The following GRIK2 variants were observed in gnomAD, a reference collection of about 807,000 sequenced individuals.
GRIK2 encodes glutamate ionotropic receptor kainate type subunit 2.
Under a neutral mutation model 100.3 loss-of-function variants are expected in GRIK2, and 32 were observed. That is an observed-to-expected ratio of 0.32 (90% CI 0.24 to 0.43). The LOEUF is 0.43. GRIK2 is among the 20% of genes least tolerant of loss of function. The pLI, the probability that GRIK2 is intolerant of heterozygous loss-of-function variation, is 1.00. For synonymous variants in GRIK2, 417 were observed against 389.4 expected (o/e 1.07, Z -0.83); for missense variants, 843 against 1,114.9 (o/e 0.76, Z 3.47).
At chr6:101,853,498 A>G (rs1240303614) in intron 10 of GRIK2, among the ~76,000 whole-genome samples, 1 of 152,190 alleles carries the variant, frequency 6.6e-6, no homozygotes, top group Non-Finnish European at 1.5e-5. Context: ...GGAATAGAAA[A>G]CAGGGCTGCC....
chr6:101,412,194 C>T (rs1343964074), intron 2 of GRIK2, among the ~76,000 whole-genome samples: 1 of 151,972 alleles, frequency 6.6e-6, no homozygotes, highest in African/African-American at 2.4e-5. Context: ...AATGTGGACA[C>T]TACATTTGGA....
At chr6:101,572,811 GTTTATTATTTA>G (rs1562234849) in intron 2 of GRIK2, among the ~76,000 whole-genome samples, 5 of 106,990 alleles carry the variant, frequency 4.7e-5, no homozygotes, top group African/African-American at 1.6e-4. Context: ...TGTTATTGTT[GTTTATTATTTA>G]TTTATTTATT....
rs372470876 is a variant in GRIK2 at position 101,767,492 on chromosome 6, A to G, written c.952-32156A>G. 5.7e-4 allele frequency among the ~76,000 whole-genome samples: 87 copies of G among 152,320 alleles called. No homozygotes were observed. The Middle Eastern group carries it at 0.01, about 18-fold the overall frequency. On this transcript the variant is annotated intron_variant, in intron 7 of 16. Coordinates refer to ENST00000369134, the MANE Select transcript of GRIK2 (RefSeq NM_021956.5). ...TTTGTTTTACACCTAAATAATGTACATTTTAAGAATATGCATAGTTGAAAT... is the reference window on the plus strand; with the variant it reads ...TTTGTTTTACACCTAAATAATGTACGTTTTAAGAATATGCATAGTTGAAAT...
rs1287998454 is a variant in GRIK2 at position 101,946,678 on chromosome 6, G to T, written c.2085+18046G>T. Among the ~76,000 whole-genome samples the T allele has an allele frequency of 3.3e-5, 5 of 152,106 alleles. No homozygotes were observed. The East Asian group carries it at 9.6e-4, about 29-fold the overall frequency. On this transcript the variant is annotated intron_variant, in intron 14 of 16. Coordinates refer to ENST00000369134, the MANE Select transcript of GRIK2 (RefSeq NM_021956.5). The stretch of plus-strand genomic sequence containing the variant: ...CACCAGAACAAGTTAACACAGGCAA[G>T]GCGATTATTGTAGTAAAGAGGAGAT...
chr6:101,603,086 G>A (rs1473499609), intron 2 of GRIK2, among the ~76,000 whole-genome samples: 1 of 151,386 alleles, frequency 6.6e-6, no homozygotes, highest in Admixed American at 6.6e-5. Context: ...ATCTTCCTTT[G>A]AACAGACATA....
intron 11 of GRIK2, among the ~76,000 whole-genome samples, chr6:101,887,788 C>CT (rs1158298116): frequency 6.6e-6 from 1 of 151,962 alleles, no homozygotes; most frequent in African/African-American, 2.4e-5. Context: ...CCTGAGAACT[C>CT]TATCAGGAGA....
intron 2 of GRIK2, among the ~76,000 whole-genome samples, chr6:101,424,779 A>G (rs1353500738): frequency 6.8e-6 from 1 of 146,886 alleles, no homozygotes; most frequent in African/African-American, 2.5e-5. Flanking sequence ...ATGTGTTCTC[A>G]TTGTTCAATT....
intron 7 of GRIK2, among the ~76,000 whole-genome samples, chr6:101,715,423 G>A (rs1562329797): frequency 6.6e-6 from 1 of 151,734 alleles, no homozygotes; most frequent in African/African-American, 2.4e-5. Context: ...TGGCAGACAG[G>A]AGGAAAGAAA....
intron 10 of GRIK2, among the ~76,000 whole-genome samples, chr6:101,840,641 A>C (rs1013398921): frequency 6.6e-6 from 1 of 152,210 alleles, no homozygotes; most frequent in African/African-American, 2.4e-5. Context: ...CAATTATTTT[A>C]TTAGGCATAT....
chr6:101,788,561 T>G (rs79411104), intron 7 of GRIK2, among the ~76,000 whole-genome samples: 18,581 of 152,232 alleles, frequency 0.12, 1,260 homozygotes, highest in Admixed American at 0.2. Flanking sequence ...TATGGCTGCA[T>G]AGTATTCCAT....
At chr6:101,737,770 A>AT (rs1296517633) in intron 7 of GRIK2, among the ~76,000 whole-genome samples, 5 of 152,098 alleles carry the variant, frequency 3.3e-5, no homozygotes, top group African/African-American at 9.7e-5. Flanking sequence ...TTTTATGTTG[A>AT]TTTTTACATC....
chr6:101,792,703 G>A (rs895252572), intron 7 of GRIK2, among the ~76,000 whole-genome samples: 15 of 152,096 alleles, frequency 9.9e-5, no homozygotes, highest in South Asian at 2.1e-4. Flanking sequence ...TGCTCTTCTC[G>A]AGGAGTATCT....
intron 14 of GRIK2, among the ~76,000 whole-genome samples, chr6:102,002,855 GAT>G (rs56951861): frequency 2.0e-5 from 3 of 150,170 alleles, no homozygotes; most frequent in Non-Finnish European, 4.5e-5. Flanking sequence ...TACATTTTTA[GAT>G]ATATATATAG....
rs556890657 is a variant in GRIK2, at chr6:101,827,606, A to G, written c.1317+9123A>G. Reference sequence around the variant, plus strand: ...GATCTGTCACACAGGTGGAAAACAAAAAAAGGACAGGGATTGCTATTTTTG... The same window carrying G: ...GATCTGTCACACAGGTGGAAAACAAGAAAAGGACAGGGATTGCTATTTTTG... On this transcript the variant is annotated intron_variant, in intron 10 of 16. Coordinates refer to ENST00000369134, the MANE Select transcript of GRIK2 (RefSeq NM_021956.5). 5.9e-5 allele frequency among the ~76,000 whole-genome samples: 9 copies of G among 152,156 alleles called. No individual in the cohort carries two copies. In the East Asian group the frequency reaches 1.7e-3, roughly 29 times the overall value.
chr6:101,757,690 C>G (rs1004584236), intron 7 of GRIK2, among the ~76,000 whole-genome samples: 2 of 152,160 alleles, frequency 1.3e-5, no homozygotes, highest in African/African-American at 4.8e-5. Context: ...GTTACTAAGG[C>G]CTCTCTTTCA....
At chr6:101,847,230 C>A (rs1424588623) in intron 10 of GRIK2, among the ~76,000 whole-genome samples, 1 of 151,970 alleles carries the variant, frequency 6.6e-6, no homozygotes, top group African/African-American at 2.4e-5. Context: ...TTTCTAATTT[C>A]CCTTCTAATT....
intron 15 of GRIK2, among the ~76,000 whole-genome samples, chr6:102,047,477 C>T (rs903243617): frequency 1.3e-4 from 20 of 152,180 alleles, no homozygotes; most frequent in African/African-American, 4.1e-4. Context: ...TGGCCAGGTT[C>T]GGTGGCTTAT....
At chr6:101,714,607 GTTTGC>G (rs1484826462) in intron 7 of GRIK2, among the ~76,000 whole-genome samples, 1 of 151,698 alleles carries the variant, frequency 6.6e-6, no homozygotes, top group East Asian at 1.9e-4. Flanking sequence ...ACAACTGCTG[GTTTGC>G]TTTAGATAAA....
chr6:101,738,660 G>A (rs759082632), intron 7 of GRIK2, among the ~76,000 whole-genome samples: 1 of 152,032 alleles, frequency 6.6e-6, no homozygotes, highest in Admixed American at 6.6e-5. Flanking sequence ...GTTGACCAGG[G>A]TTTCTCAACC....
Sources: gnomAD v4.1 joint callset for allele counts (sites outside exome capture counted in the v4.1 genomes callset) on GRCh38, gnomAD v4.1.1 for gene constraint, MANE v1.5 for transcripts, NCBI Gene and HGNC (gene_info 2026-07-23, HGNC 2026-07-21) for gene names.